Variants in IKBKB observed in about 807,000 individuals in gnomAD.
The protein encoded by IKBKB is inhibitor of nuclear factor kappa B kinase subunit beta, also known as inhibitor of nuclear factor kappa-B kinase subunit beta.
Under a neutral mutation model 113.6 loss-of-function variants are expected in IKBKB, and 42 were observed. The observed-to-expected ratio is 0.37, with a 90% CI of 0.29 to 0.48. The LOEUF is 0.48. Among genes scored for constraint, IKBKB ranks in the 20% least tolerant of loss-of-function variants. The probability of loss-of-function intolerance (pLI) is 0.99; values close to 1 mark genes in which losing one functional copy is unlikely to be tolerated. For synonymous variants in IKBKB, 296 were observed against 361.3 expected, an observed-to-expected ratio of 0.82 and a Z score of 2.05; for missense variants, 673 against 939.7, an observed-to-expected ratio of 0.72 and a Z score of 3.71.
At chr8:42,318,833 G>T in intron 13 of IKBKB, 158 bp downstream of exon 13, 1 of 697,608 alleles carries the variant, frequency 1.4e-6, no homozygotes, top group Non-Finnish European at 2.3e-6. Flanking sequence ...TGGGTGGGCT[G>T]GACTGACGGA....
At chr8:42,327,330 CTTTTTT>C (rs397767670) in intron 20 of IKBKB, among the ~76,000 whole-genome samples, 2 of 105,422 alleles carry the variant, frequency 1.9e-5, no homozygotes, top group Non-Finnish European at 3.7e-5. Flanking sequence ...CTCTCTCTCT[CTTTTTT>C]TTTTTTTTTT....
At chr8:42,287,126 T>G (rs1231404539) in intron 2 of IKBKB, among the ~76,000 whole-genome samples, 1 of 152,012 alleles carries the variant, frequency 6.6e-6, no homozygotes, top group East Asian at 1.9e-4. Flanking sequence ...GCAGCTGGAG[T>G]GCCCGAGGCC....
chr8:42,297,705 G>C (rs1814181195), intron 5 of IKBKB, among the ~76,000 whole-genome samples: 3 of 152,132 alleles, frequency 2.0e-5, no homozygotes, highest in African/African-American at 7.2e-5. Context: ...GACCAGCCTG[G>C]CCAACATGGT....
chr8:42,313,056 A>G (rs1818023354), intron 8 of IKBKB, among the ~76,000 whole-genome samples: 2 of 152,228 alleles, frequency 1.3e-5, no homozygotes, highest in South Asian at 4.1e-4. Flanking sequence ...TGTCACGGCA[A>G]TAAGTGAATA....
chr8:42,318,894 G>A (rs1257520925), intron 13 of IKBKB: 1 of 550,322 alleles, frequency 1.8e-6, no homozygotes, highest in Non-Finnish European at 3.2e-6. Context: ...GGTGAGGAGT[G>A]TGGAACTGAA....
chr8:42,301,513 G>A (rs1815204108), intron 5 of IKBKB, among the ~76,000 whole-genome samples: 1 of 152,164 alleles, frequency 6.6e-6, no homozygotes, highest in South Asian at 2.1e-4. Flanking sequence ...TCTCTGCAGG[G>A]TACATTTAAG....
intron 13 of IKBKB, 148 bp from the exon 14 acceptor site, chr8:42,319,122 G>T: frequency 1.4e-6 from 1 of 721,252 alleles, no homozygotes; most frequent in Non-Finnish European, 2.3e-6. Flanking sequence ...ATTGTCCTTG[G>T]GTTATAAGTG....
At chr8:42,298,707 A>G (rs960541821) in intron 5 of IKBKB, among the ~76,000 whole-genome samples, 2 of 152,160 alleles carry the variant, frequency 1.3e-5, no homozygotes, top group African/African-American at 4.8e-5. Context: ...GAGGCATGGA[A>G]TGTCATGGCC....
intron 20 of IKBKB, among the ~76,000 whole-genome samples, chr8:42,327,351 T>TTTG (rs1554527547): frequency 2.1e-4 from 31 of 148,800 alleles, no homozygotes; most frequent in Admixed American, 3.4e-4. Context: ...TTTTTTTTTT[T>TTTG]GAGACAGACT....
intron 2 of IKBKB, among the ~76,000 whole-genome samples, chr8:42,278,594 C>G (rs954861993): frequency 1.3e-5 from 2 of 152,180 alleles, no homozygotes; most frequent in African/African-American, 4.8e-5. Flanking sequence ...AACCAGCTCT[C>G]AGTGACTGCT....
intron 8 of IKBKB, among the ~76,000 whole-genome samples, chr8:42,312,008 T>C (rs1006615895): frequency 5.3e-5 from 8 of 152,136 alleles, no homozygotes; most frequent in Non-Finnish European, 1.0e-4. Context: ...TGCCTCAGCC[T>C]CCCGAGTAGC....
chr8:42,330,272 A>G (rs1486033739), intron 21 of IKBKB: 1 of 984,918 alleles, frequency 1.0e-6, no homozygotes, highest in Non-Finnish European at 1.2e-6. Flanking sequence ...TACAGTTTGA[A>G]TATGTAACTT....
At chr8:42,279,044 T>C (rs1809791069) in intron 2 of IKBKB, among the ~76,000 whole-genome samples, 1 of 150,902 alleles carries the variant, frequency 6.6e-6, no homozygotes, top group African/African-American at 2.4e-5. Flanking sequence ...TTAACAGCGC[T>C]TAGTGGTGGA....
chr8:42,287,732 G>A (rs1464545397), intron 2 of IKBKB, among the ~76,000 whole-genome samples: 1 of 152,158 alleles, frequency 6.6e-6, no homozygotes, highest in Non-Finnish European at 1.5e-5. Context: ...CAGACCAAGT[G>A]GTTTACCCAA....
chr8:42,272,094 C>G lies in IKBKB; in HGVS notation c.-7C>G, dbSNP rs1264197985. The G allele has an allele frequency of 1.4e-5, 22 of 1,613,538 alleles. No individual in the cohort carries two copies. In the Admixed American group the frequency reaches 3.7e-4, roughly 27 times the overall value. ...CAAATTGCTTATAGAGTTAGCACGA[C>G]ATCAGTATGAGCTGGTCACCTTCCC... On this transcript the variant is annotated 5_prime_UTR_variant, in exon 2 of 22. Coordinates refer to ENST00000520810, the MANE Select transcript of IKBKB (RefSeq NM_001556.3).
chr8:42,322,169 T>C lies in IKBKB; in HGVS notation c.1838+16T>C, dbSNP rs1563364304. 1 of 1,606,118 alleles carries C rather than the reference T, an allele frequency of 6.2e-7. No homozygotes were observed. The highest frequency in any genetic ancestry group is 1.7e-5 in the Admixed American group (1 of 59,994). On this transcript the variant is annotated intron_variant, in intron 18 of 21. Transcript: ENST00000520810. ...CGCAGCTCAGGTATGAGCCCCGACC[T>C]TCCTGCTCTGGAGGAAGGACTGGGA...
intron 2 of IKBKB, among the ~76,000 whole-genome samples, chr8:42,275,174 G>A (rs1450344467): frequency 1.3e-5 from 2 of 151,134 alleles, no homozygotes; most frequent in African/African-American, 4.9e-5. Flanking sequence ...ACTGTGCCTG[G>A]CATTTTTTTT....
In IKBKB at chr8:42,319,637, C is replaced by T; in HGVS notation, c.1569C>T (p.Leu523=). The change falls in exon 15 of 22, where the codon CTC becomes CTT. Residue 523 remains leucine, a synonymous_variant. Coordinates refer to ENST00000520810, the MANE Select transcript of IKBKB (RefSeq NM_001556.3). ...GGGAAATGGAGCAGGCTGTGGAGCT[C>T]TGTGGGCGGGTAGGAGACTCATTTT... ...AWREMEQAVE[L]CGRENEVKLL... is the part of the protein sequence containing the mutation. 1.3e-6 allele frequency: 2 copies of T among 1,590,492 alleles called. No individual in the cohort carries two copies. Among genetic ancestry groups the T allele is most frequent in the Non-Finnish European group, 1.7e-6 (2 of 1,172,622 alleles).
intron 7 of IKBKB, among the ~76,000 whole-genome samples, chr8:42,308,206 A>G (rs1816918325): frequency 6.6e-6 from 1 of 151,110 alleles, no homozygotes; most frequent in Non-Finnish European, 1.5e-5. Context: ...ATTTCTACAC[A>G]GTGCCCACGA....
Sources: allele counts gnomAD v4.1 joint callset (sites outside exome capture counted in the v4.1 genomes callset), GRCh38; gene constraint gnomAD v4.1.1; transcripts MANE v1.5; gene names NCBI Gene and HGNC (gene_info 2026-07-23, HGNC 2026-07-21).